Variants in PROCR observed in about 807,000 individuals in gnomAD.
PROCR encodes the protein endothelial protein C receptor.
PROCR carries 22 observed loss-of-function variants against 24.2 expected under a neutral mutation model. That is an observed-to-expected ratio of 0.91 (90% CI 0.65 to 1.30). The LOEUF is 1.30. PROCR is among the 50% of genes most tolerant of loss of function. PROCR has a pLI of 0.00. For missense variants in PROCR, 288 were observed against 307.7 expected, an observed-to-expected ratio of 0.94 and a Z score of 0.48; for synonymous variants, 137 against 139.2, an observed-to-expected ratio of 0.98 and a Z score of 0.11.
rs146326411 is a variant in PROCR at position 35,194,233 on chromosome 20, C to T, written c.94+17787C>T. The stretch of plus-strand genomic sequence containing the variant: ...TTTGAGACAGTGACTATAAATAACT[C>T]TTTTGAGGAGTTTGGTTTGTTTTAC... On this transcript the variant is annotated intron_variant, in intron 1 of 1. Coordinates refer to the PROCR transcript ENST00000634509. Among the ~76,000 whole-genome samples the T allele has an allele frequency of 8.2e-3, 1,249 of 152,052 alleles. 9 individuals are homozygous for T. The highest frequency in any genetic ancestry group is 0.029 in the African/African-American group (1,192 of 41,458).
chr20:35,176,138 A>T (rs2086013828), intron 2 of PROCR, 30 bp from the exon 3 acceptor site: 3 of 1,604,204 alleles, frequency 1.9e-6, no homozygotes, highest in Non-Finnish European at 2.6e-6. Context: ...CTCTCTGCAC[A>T]GTCCCCTGAC....
exon 2 of PROCR, chr20:35,215,940 G>C: frequency 1.0e-6 from 1 of 961,278 alleles, no homozygotes; most frequent in Non-Finnish European, 1.2e-6. Flanking sequence ...GCTCACTCCT[G>C]TAATCCCAGC....
chr20:35,179,173 C>T (rs905936277), downstream of PROCR, among the ~76,000 whole-genome samples: 67 of 138,292 alleles, frequency 4.8e-4, no homozygotes, highest in African/African-American at 1.7e-3. Context: ...GCAGAGCTTG[C>T]AGTGAGCCGA....
intron 1 of PROCR, among the ~76,000 whole-genome samples, chr20:35,205,115 A>G (rs2060333073): frequency 6.6e-6 from 1 of 151,776 alleles, no homozygotes; most frequent in Admixed American, 6.6e-5. Context: ...TCTACTAAAA[A>G]TACAAAAATT....
chr20:35,186,508 G>A (rs1233482701), intron 1 of PROCR, among the ~76,000 whole-genome samples: 6 of 150,640 alleles, frequency 4.0e-5, no homozygotes, highest in African/African-American at 4.9e-5. Context: ...TGAGGTTGCG[G>A]TGAGCCAAGA....
At chr20:35,187,336 A>G (rs1388206536) in intron 1 of PROCR, among the ~76,000 whole-genome samples, 1 of 152,216 alleles carries the variant, frequency 6.6e-6, no homozygotes, top group Non-Finnish European at 1.5e-5. Flanking sequence ...TGCTGGGATT[A>G]CAGGCATGAG....
At chr20:35,215,754 G>A in intron 1 of PROCR, 1 of 486,988 alleles carries the variant, frequency 2.1e-6, no homozygotes, top group South Asian at 8.9e-5. Flanking sequence ...AGGATTAAGT[G>A]ATTTGATGTA....
chr20:35,179,746 C>T (rs904744283), downstream of PROCR, among the ~76,000 whole-genome samples: 1 of 152,162 alleles, frequency 6.6e-6, no homozygotes, highest in African/African-American at 2.4e-5. Flanking sequence ...TAATGGATAA[C>T]AGAATAACCA....
chr20:35,214,459 G>A (rs2060373624), intron 1 of PROCR, among the ~76,000 whole-genome samples: 1 of 152,108 alleles, frequency 6.6e-6, no homozygotes, highest in African/African-American at 2.4e-5. Flanking sequence ...GTCCAAGGCG[G>A]GTGGATCACA....
At chr20:35,207,482 T>C (rs1462935013) in intron 1 of PROCR, among the ~76,000 whole-genome samples, 3 of 151,966 alleles carry the variant, frequency 2.0e-5, no homozygotes, top group African/African-American at 7.3e-5. Flanking sequence ...ACAGATTTTG[T>C]ATTTGTACAA....
Position 35,197,551 on chromosome 20 carries a change from C to T in PROCR, c.95-18342C>T, listed in dbSNP as rs371860633. Among the ~76,000 whole-genome samples, 20 of 151,948 alleles carry T rather than the reference C, an allele frequency of 1.3e-4. 2 individuals are homozygous for T. Among genetic ancestry groups the T allele is most frequent in the East Asian group, 7.7e-4 (4 of 5,162 alleles). On this transcript the variant is annotated intron_variant, in intron 1 of 1. Transcript: ENST00000634509. ...TGAAAAGAAGAGTCACGTCTGTGTG[C>T]GGTGGCTCATGCCTGTAATCCCAGC...
At chr20:35,213,310 G>A (rs2060368976) in intron 1 of PROCR, among the ~76,000 whole-genome samples, 2 of 151,768 alleles carry the variant, frequency 1.3e-5, no homozygotes. Flanking sequence ...TCCATCCTGG[G>A]TAACGGAGCG....
At position 35,176,792 on chromosome 20, in the gene PROCR, C is replaced by T; in HGVS notation, c.696C>T (p.Cys232=). ...IAGVAVGIFL[C]TGGRRC is the part of the protein sequence containing the mutation. ...GTGTGGCTGTAGGCATCTTCCTGTGCACAGGTGGACGGCGATGTTAATTAC... is the reference window on the plus strand; with the variant it reads ...GTGTGGCTGTAGGCATCTTCCTGTGTACAGGTGGACGGCGATGTTAATTAC... The change falls in exon 4 of 4, where the codon TGC becomes TGT. Residue 232 remains cysteine, a synonymous_variant. Coordinates refer to ENST00000216968, the MANE Select transcript of PROCR (RefSeq NM_006404.5). 3 of 1,614,004 alleles carry T rather than the reference C, an allele frequency of 1.9e-6. No individual in the cohort carries two copies. The highest frequency in any genetic ancestry group is 1.7e-6 in the Non-Finnish European group (2 of 1,179,998).
At chr20:35,184,625 A>G (rs1438037203) in intron 1 of PROCR, among the ~76,000 whole-genome samples, 1 of 152,188 alleles carries the variant, frequency 6.6e-6, no homozygotes, top group Non-Finnish European at 1.5e-5. Context: ...GCGTGAACCC[A>G]GGAGGTGGAG....
At chr20:35,199,334 C>G (rs539837739) in intron 1 of PROCR, among the ~76,000 whole-genome samples, 14 of 152,200 alleles carry the variant, frequency 9.2e-5, no homozygotes, top group Non-Finnish European at 2.1e-4. Flanking sequence ...TGGCAATGCA[C>G]GTGGTCACCC....
intron 1 of PROCR, among the ~76,000 whole-genome samples, chr20:35,187,673 G>T (rs978321711): frequency 9.9e-5 from 15 of 152,116 alleles, no homozygotes; most frequent in African/African-American, 3.6e-4. Context: ...ATTTCCAGGA[G>T]TTTCTACACA....
At chr20:35,172,337 G>A (rs1443091069) in intron 1 of PROCR, 113 bp downstream of exon 1, 21 of 1,329,306 alleles carry the variant, frequency 1.6e-5, no homozygotes, top group African/African-American at 2.9e-5. Flanking sequence ...GTCTGCAGCT[G>A]GCTAGATCTC....
chr20:35,207,890 A>C (rs923961324), intron 1 of PROCR, among the ~76,000 whole-genome samples: 8 of 148,918 alleles, frequency 5.4e-5, no homozygotes, highest in Non-Finnish European at 1.2e-4. Context: ...CAAAACCTAA[A>C]CTTTATTATT....
upstream of PROCR, among the ~76,000 whole-genome samples, chr20:35,171,229 G>A (rs568292109): frequency 8.5e-5 from 13 of 152,224 alleles, no homozygotes; most frequent in African/African-American, 2.9e-4. Context: ...AGTAAGGGAC[G>A]CATTTTACAC....
Sources: allele counts gnomAD v4.1 joint callset (sites outside exome capture counted in the v4.1 genomes callset), GRCh38; gene constraint gnomAD v4.1.1; transcripts MANE v1.5; gene names NCBI Gene and HGNC (gene_info 2026-07-23, HGNC 2026-07-21).